Variants in LDLRAD4 observed in about 807,000 individuals in gnomAD.
The protein encoded by LDLRAD4 is low-density lipoprotein receptor class A domain-containing protein 4.
Under a neutral mutation model 17.0 loss-of-function variants are expected in LDLRAD4, and 5 were observed. The ratio of observed to expected loss-of-function variants is 0.29; its 90% CI spans 0.15 to 0.62. The LOEUF is 0.62. Among genes scored for constraint, LDLRAD4 ranks in the 20% least tolerant of loss-of-function variants. LDLRAD4 has a pLI of 0.84. For synonymous variants in LDLRAD4, 168 were observed against 171.8 expected, an observed-to-expected ratio of 0.98 and a Z score of 0.17; for missense variants, 340 against 424.7, an observed-to-expected ratio of 0.80 and a Z score of 1.75.
At chr18:13,293,834 T>C (rs1415256189) in intron 1 of LDLRAD4, among the ~76,000 whole-genome samples, 5 of 152,330 alleles carry the variant, frequency 3.3e-5, no homozygotes, top group African/African-American at 1.2e-4. Flanking sequence ...TTTTAAACTT[T>C]CTAAAAATGC....
intron 3 of LDLRAD4, among the ~76,000 whole-genome samples, chr18:13,554,204 T>C (rs1368981531): frequency 6.6e-6 from 1 of 152,240 alleles, no homozygotes; most frequent in East Asian, 1.9e-4. Flanking sequence ...AAAAATGTTT[T>C]TATATTCACC....
At chr18:13,351,434 G>A (rs8092586) in intron 1 of LDLRAD4, among the ~76,000 whole-genome samples, 13,049 of 152,028 alleles carry the variant, frequency 0.086, 1,599 homozygotes, top group African/African-American at 0.27. Context: ...CTGCTTGTCT[G>A]TTGTTGGTGT....
At chr18:13,274,311 G>T (rs942563934), upstream of LDLRAD4, among the ~76,000 whole-genome samples, 1 of 152,202 alleles carries the variant, frequency 6.6e-6, no homozygotes, top group Non-Finnish European at 1.5e-5. Context: ...ACCTGGAGCC[G>T]TTGATCTCTT....
At chr18:13,512,088 A>G (rs1309728315) in intron 3 of LDLRAD4, among the ~76,000 whole-genome samples, 1 of 152,150 alleles carries the variant, frequency 6.6e-6, no homozygotes, top group African/African-American at 2.4e-5. Flanking sequence ...AAGGCAAAAT[A>G]TCGTGTTTTG....
chr18:13,370,719 T>TTTTTTTTTTTGTTTG (rs1555663314), intron 1 of LDLRAD4, among the ~76,000 whole-genome samples: 41 of 144,908 alleles, frequency 2.8e-4, no homozygotes, highest in African/African-American at 1.1e-3. Flanking sequence ...TTTTGTTTTT[T>TTTTTTTTTTTGTTTG]TTTTTTTTTG....
At chr18:13,569,216 G>A (rs776019628) in intron 3 of LDLRAD4, among the ~76,000 whole-genome samples, 1 of 152,164 alleles carries the variant, frequency 6.6e-6, no homozygotes, top group Non-Finnish European at 1.5e-5. Context: ...TTCCCCACAC[G>A]TGGCCTCAGA....
intron 1 of LDLRAD4, among the ~76,000 whole-genome samples, chr18:13,248,125 T>A (rs1291508017): frequency 6.6e-6 from 1 of 151,746 alleles, no homozygotes; most frequent in East Asian, 1.9e-4. Context: ...CATGCCTGGC[T>A]AATTTTGGTA....
chr18:13,463,324 C>T lies in LDLRAD4; in HGVS notation c.181+24940C>T, dbSNP rs558992014. Among the ~76,000 whole-genome samples the T allele has an allele frequency of 6.6e-5, 10 of 152,284 alleles. No homozygotes were observed. The South Asian group carries it at 8.3e-4, about 13-fold the overall frequency. On this transcript the variant is annotated intron_variant, in intron 3 of 5. Transcript: ENST00000359446. ...TTGGAGGCCATGCTGCCTGCCCACCCGCCTCCCTGGAGGTGTGCAGCCCCC... is the reference window on the plus strand; with the variant it reads ...TTGGAGGCCATGCTGCCTGCCCACCTGCCTCCCTGGAGGTGTGCAGCCCCC...
chr18:13,650,636 T>C (rs866426915), exon 6 of LDLRAD4: 7 of 339,320 alleles, frequency 2.1e-5, no homozygotes, highest in Non-Finnish European at 1.1e-5. Flanking sequence ...ATGTTTTTAT[T>C]TGTAAGGTGC....
chr18:13,343,059 C>G (rs2082467273), intron 1 of LDLRAD4, among the ~76,000 whole-genome samples: 1 of 151,872 alleles, frequency 6.6e-6, no homozygotes, highest in Admixed American at 6.6e-5. Context: ...CACATAATTT[C>G]CTAAATCTAT....
At chr18:13,410,842 G>A (rs901855803) in intron 2 of LDLRAD4, among the ~76,000 whole-genome samples, 2 of 152,216 alleles carry the variant, frequency 1.3e-5, no homozygotes, top group Non-Finnish European at 2.9e-5. Context: ...GGGAAGTGGA[G>A]ATTCAGGGCA....
chr18:13,503,513 G>C (rs530536317), intron 3 of LDLRAD4, among the ~76,000 whole-genome samples: 1 of 152,166 alleles, frequency 6.6e-6, no homozygotes, highest in Admixed American at 6.5e-5. Context: ...TTATCAAGTA[G>C]GGGAAACAGA....
chr18:13,629,965 C>G (rs2041518115), intron 4 of LDLRAD4, among the ~76,000 whole-genome samples: 2 of 152,270 alleles, frequency 1.3e-5, no homozygotes, highest in East Asian at 1.9e-4. Flanking sequence ...GACGAGGCAA[C>G]TGGTGCTGAA....
intron 1 of LDLRAD4, among the ~76,000 whole-genome samples, chr18:13,264,538 G>A (rs547971896): frequency 1.3e-5 from 2 of 152,182 alleles, no homozygotes; most frequent in South Asian, 2.1e-4. Context: ...TTCTGAGCCC[G>A]ATTGCTTAGG....
At chr18:13,412,679 A>AT (rs967316471) in intron 2 of LDLRAD4, among the ~76,000 whole-genome samples, 12 of 152,120 alleles carry the variant, frequency 7.9e-5, no homozygotes, top group African/African-American at 2.9e-4. Flanking sequence ...TGAGAAAAGG[A>AT]TTTGTTTACC....
rs1209519190 is a variant in LDLRAD4 at position 13,544,681 on chromosome 18, C to T, written c.182-76436C>T. 3.3e-5 allele frequency among the ~76,000 whole-genome samples: 5 copies of T among 152,268 alleles called. No homozygotes were observed. In the East Asian group the frequency reaches 9.7e-4, roughly 29 times the overall value. On this transcript the variant is annotated intron_variant, in intron 3 of 5. Coordinates refer to ENST00000359446, the Ensembl canonical transcript of LDLRAD4. ...AATGGAGGACAACTTACAGGTAGAC[C>T]TAACTGCAACCTGTTGACAGTGAAG...
chr18:13,340,241 T>C (rs1173275034), intron 1 of LDLRAD4, among the ~76,000 whole-genome samples: 1 of 152,186 alleles, frequency 6.6e-6, no homozygotes, highest in Non-Finnish European at 1.5e-5. Context: ...GATGTACCCA[T>C]GTGAGTTCGA....
intron 3 of LDLRAD4, among the ~76,000 whole-genome samples, chr18:13,563,888 T>G (rs954595270): frequency 6.6e-5 from 10 of 151,390 alleles, no homozygotes; most frequent in Non-Finnish European, 1.0e-4. Context: ...TTTTAAAAAA[T>G]TATTTTTATT....
intron 2 of LDLRAD4, among the ~76,000 whole-genome samples, chr18:13,437,349 A>G (rs570169328): frequency 2.6e-5 from 4 of 152,252 alleles, no homozygotes; most frequent in Non-Finnish European, 5.9e-5. Flanking sequence ...GGCCAAGCCC[A>G]CACTCAGAAT....
Sources: allele counts gnomAD v4.1 joint callset (sites outside exome capture counted in the v4.1 genomes callset), GRCh38; gene constraint gnomAD v4.1.1; transcripts MANE v1.5; gene names NCBI Gene and HGNC (gene_info 2026-07-23, HGNC 2026-07-21).